Variants in GLIS3 observed in about 807,000 individuals in gnomAD.
The protein encoded by GLIS3 is zinc finger protein GLIS3.
Under a neutral mutation model 78.6 loss-of-function variants are expected in GLIS3, and 53 were observed. The ratio of observed to expected loss-of-function variants is 0.67; its 90% CI spans 0.54 to 0.85. The LOEUF (loss-of-function observed/expected upper bound fraction) is 0.85. Among genes scored for constraint, GLIS3 ranks in the 40% least tolerant of loss-of-function variants. The probability of loss-of-function intolerance (pLI) is 0.00; values close to 1 mark genes in which losing one functional copy is unlikely to be tolerated. For synonymous variants in GLIS3, 684 were observed against 509.9 expected (o/e 1.34, Z -4.60); for missense variants, 1,703 against 1,231.1 (o/e 1.38, Z -5.74).
chr9:4,178,593 C>G (rs1563704142), intron 2 of GLIS3, among the ~76,000 whole-genome samples: 1 of 152,214 alleles, frequency 6.6e-6, no homozygotes, highest in Non-Finnish European at 1.5e-5. Context: ...CTTAGCTATT[C>G]CAAACACGCA....
At chr9:4,362,876 C>T in the GLIS3 span, among the ~76,000 whole-genome samples, 1 of 151,864 alleles carries the variant, frequency 6.6e-6, no homozygotes, top group African/African-American at 2.4e-5. Flanking sequence ...TTCAAGGAGC[C>T]TGGATCAGAA....
chr9:3,951,939 A>T (rs1816726075), intron 4 of GLIS3, among the ~76,000 whole-genome samples: 1 of 151,870 alleles, frequency 6.6e-6, no homozygotes, highest in Admixed American at 6.6e-5. Context: ...CTGAAGACAC[A>T]GTAAAGACAG....
intron 2 of GLIS3, among the ~76,000 whole-genome samples, chr9:4,161,938 G>A (rs1324976082): frequency 2.0e-5 from 3 of 151,546 alleles, no homozygotes; most frequent in African/African-American, 4.9e-5. Context: ...CACCTGCCTC[G>A]GCCTCCCAAA....
intron 2 of GLIS3, among the ~76,000 whole-genome samples, chr9:4,275,585 T>A (rs1327042362): frequency 4.2e-5 from 6 of 144,154 alleles, no homozygotes; most frequent in Non-Finnish European, 7.5e-5. Flanking sequence ...CACAACAAGA[T>A]CCCATCTCTA....
At chr9:4,264,205 G>C (rs936340110) in intron 2 of GLIS3, among the ~76,000 whole-genome samples, 1 of 152,150 alleles carries the variant, frequency 6.6e-6, no homozygotes, top group African/African-American at 2.4e-5. Flanking sequence ...CAAACACCTA[G>C]AGGTATTCAC....
chr9:3,914,646 C>T (rs1824381394), intron 6 of GLIS3, among the ~76,000 whole-genome samples: 1 of 152,166 alleles, frequency 6.6e-6, no homozygotes, highest in Non-Finnish European at 1.5e-5. Flanking sequence ...GGGAACAAAT[C>T]CAATTTTCCA....
chr9:3,960,126 G>T (rs1467480319), intron 4 of GLIS3, among the ~76,000 whole-genome samples: 1 of 152,172 alleles, frequency 6.6e-6, no homozygotes, highest in East Asian at 1.9e-4. Flanking sequence ...AACAGAGCAA[G>T]ACTCCATCTA....
intron 2 of GLIS3, among the ~76,000 whole-genome samples, chr9:4,133,853 CA>C (rs1564098387): frequency 8.7e-5 from 13 of 149,106 alleles, no homozygotes; most frequent in South Asian, 4.3e-4. Flanking sequence ...CACACACACA[CA>C]CACACACACA....
At chr9:4,389,066 G>A in the GLIS3 span, among the ~76,000 whole-genome samples, 1 of 152,318 alleles carries the variant, frequency 6.6e-6, no homozygotes, top group Non-Finnish European at 1.5e-5. Flanking sequence ...GCCTCCGTAA[G>A]CCTGAATTGG....
At chr9:4,482,645 A>G in the GLIS3 span, among the ~76,000 whole-genome samples, 8 of 152,316 alleles carry the variant, frequency 5.3e-5, no homozygotes, top group East Asian at 1.5e-3. Context: ...TCAGAAGCTG[A>G]TGTCTTACTT....
the GLIS3 span, among the ~76,000 whole-genome samples, chr9:4,376,916 C>G: frequency 1.5e-5 from 2 of 134,702 alleles, no homozygotes; most frequent in African/African-American, 5.2e-5. Flanking sequence ...ACTGATTCCA[C>G]TGCTGGAGGC....
chr9:4,248,119 G>T (rs1023346956), intron 2 of GLIS3, among the ~76,000 whole-genome samples: 1 of 152,056 alleles, frequency 6.6e-6, no homozygotes, highest in African/African-American at 2.4e-5. Context: ...TTTAAGTTCT[G>T]GGATGCATGT....
upstream of GLIS3, among the ~76,000 whole-genome samples, chr9:4,353,153 G>C (rs1403584855): frequency 6.6e-6 from 1 of 152,142 alleles, no homozygotes; most frequent in South Asian, 2.1e-4. Context: ...CTGAGACTCT[G>C]AGAAGTTCCC....
intron 4 of GLIS3, among the ~76,000 whole-genome samples, chr9:4,050,563 T>G (rs867723745): frequency 3.0e-4 from 46 of 152,090 alleles, no homozygotes; most frequent in African/African-American, 1.1e-3. Context: ...AACCTGCAGC[T>G]TGTGCACATG....
At chr9:4,157,309 T>TA (rs1185159955) in intron 2 of GLIS3, among the ~76,000 whole-genome samples, 1 of 152,120 alleles carries the variant, frequency 6.6e-6, no homozygotes, top group Non-Finnish European at 1.5e-5. Flanking sequence ...TGGTGTGACT[T>TA]ACAGTGAACA....
At chr9:4,447,671 C>T in the GLIS3 span, among the ~76,000 whole-genome samples, 1 of 152,188 alleles carries the variant, frequency 6.6e-6, no homozygotes, top group Non-Finnish European at 1.5e-5. Flanking sequence ...CCTCCAGGTA[C>T]TGCTGATTTG....
upstream of GLIS3, among the ~76,000 whole-genome samples, chr9:4,300,971 TCTA>T (rs1253772082): frequency 1.3e-5 from 2 of 152,116 alleles, no homozygotes; most frequent in African/African-American, 4.8e-5. Flanking sequence ...TATATTCTAT[TCTA>T]CTGTTACCAC....
At chr9:4,192,265 C>A (rs1818397481) in intron 2 of GLIS3, among the ~76,000 whole-genome samples, 2 of 152,072 alleles carry the variant, frequency 1.3e-5, no homozygotes, top group African/African-American at 4.8e-5. Context: ...CAGAAAATGT[C>A]TTTTAGAGTT....
intron 2 of GLIS3, among the ~76,000 whole-genome samples, chr9:4,202,698 A>G (rs1267339726): frequency 1.3e-5 from 2 of 152,174 alleles, no homozygotes; most frequent in Non-Finnish European, 2.9e-5. Flanking sequence ...TGACAAAGTC[A>G]ACAAAAGTAA....
Sources: gnomAD v4.1 joint callset for allele counts (sites outside exome capture counted in the v4.1 genomes callset) on GRCh38, gnomAD v4.1.1 for gene constraint, MANE v1.5 for transcripts, NCBI Gene and HGNC (gene_info 2026-07-23, HGNC 2026-07-21) for gene names.